The following CTNNA2 variants were observed in gnomAD, a reference collection of about 807,000 sequenced individuals.
CTNNA2 encodes catenin alpha-2.
Under a neutral mutation model 101.0 loss-of-function variants are expected in CTNNA2, and 42 were observed. The ratio of observed to expected loss-of-function variants is 0.42; its 90% CI spans 0.32 to 0.54. CTNNA2 has a LOEUF of 0.54. Among genes scored for constraint, CTNNA2 ranks in the 20% least tolerant of loss-of-function variants. The pLI is 0.14. For missense variants in CTNNA2, 871 were observed against 1,223.1 expected, an observed-to-expected ratio of 0.71 and a Z score of 4.29; for synonymous variants, 450 against 456.4, an observed-to-expected ratio of 0.99 and a Z score of 0.18.
intron 7 of CTNNA2, among the ~76,000 whole-genome samples, chr2:80,086,253 C>T (rs781313833): frequency 2.2e-4 from 33 of 152,030 alleles, no homozygotes; most frequent in African/African-American, 6.0e-4. Flanking sequence ...GGTTTCCAAA[C>T]GTAACACACT....
intron 18 of CTNNA2, among the ~76,000 whole-genome samples, chr2:80,628,602 T>C (rs1671947080): frequency 6.6e-6 from 1 of 151,994 alleles, no homozygotes; most frequent in East Asian, 1.9e-4. Flanking sequence ...CAAAACCTAT[T>C]CTTTGTAGTT....
intron 4 of CTNNA2, among the ~76,000 whole-genome samples, chr2:79,416,944 G>A (rs1415694276): frequency 1.3e-5 from 2 of 152,018 alleles, no homozygotes; most frequent in African/African-American, 4.8e-5. Context: ...TAGCAAACAT[G>A]CTCCAATCAG....
chr2:80,399,112 C>G (rs1176593493), intron 8 of CTNNA2, among the ~76,000 whole-genome samples: 1 of 150,444 alleles, frequency 6.6e-6, no homozygotes. Flanking sequence ...GAGTTTCACC[C>G]TGTTGTCCAG....
intron 4 of CTNNA2, among the ~76,000 whole-genome samples, chr2:79,501,016 G>C (rs1332110026): frequency 6.6e-6 from 1 of 152,148 alleles, no homozygotes; most frequent in Non-Finnish European, 1.5e-5. Flanking sequence ...ACTTCTCTCA[G>C]ACTCAATACA....
intron 2 of CTNNA2, among the ~76,000 whole-genome samples, chr2:79,216,502 G>A (rs150249341): frequency 0.062 from 9,427 of 151,642 alleles, 378 homozygotes; most frequent in East Asian, 0.15. Flanking sequence ...ATAAGGGATC[G>A]GGGCACAGAG....
At chr2:79,234,646 C>T (rs1024077991) in intron 2 of CTNNA2, among the ~76,000 whole-genome samples, 2 of 152,114 alleles carry the variant, frequency 1.3e-5, no homozygotes, top group Non-Finnish European at 1.5e-5. Context: ...TTACTTACTC[C>T]TTCTCTTTCA....
At chr2:79,662,125 T>C (rs1399953034) in intron 2 of CTNNA2, among the ~76,000 whole-genome samples, 2 of 151,854 alleles carry the variant, frequency 1.3e-5, no homozygotes, top group Non-Finnish European at 2.9e-5. Flanking sequence ...TTTTCTTGTT[T>C]GTATCGCCTA....
At position 79,930,286 on chromosome 2, in the gene CTNNA2, GAGAGAAAGAGAAAGAAAGAAAGAA is replaced by G. The variant is rs1558650786; in HGVS notation, c.1056+20493_1056+20516del. Reference sequence around the variant, plus strand: ...AGAAAGAAAGAAAGAAAGAGAGAGAGAGAGAAAGAGAAAGAAAGAAAGAAAGAAAGAAAGAAAGAAAGAAAGAAA... The same window carrying G: ...AGAAAGAAAGAAAGAAAGAGAGAGAGAGAAAGAAAGAAAGAAAGAAAGAAA... On this transcript the variant is annotated intron_variant, in intron 7 of 18. Transcript: ENST00000402739. Among the ~76,000 whole-genome samples, 53 of 75,288 alleles carry G rather than the reference GAGAGAAAGAGAAAGAAAGAAAGAA, an allele frequency of 7.0e-4. 2 individuals are homozygous for G. The highest frequency in any genetic ancestry group is 2.1e-3 in the African/African-American group (50 of 23,488). The allele number at this position is 75,288 out of a possible 152,430, so 49.4% of individuals were successfully genotyped here.
intron 2 of CTNNA2, among the ~76,000 whole-genome samples, chr2:79,262,340 AAAAC>A (rs1159426435): frequency 6.6e-6 from 1 of 152,206 alleles, no homozygotes; most frequent in African/African-American, 2.4e-5. Context: ...TGACTCAAGA[AAAAC>A]AAGATCAATA....
chr2:79,303,942 T>C (rs1295631640), intron 2 of CTNNA2, among the ~76,000 whole-genome samples: 3 of 152,060 alleles, frequency 2.0e-5, no homozygotes, highest in African/African-American at 4.8e-5. Flanking sequence ...GCATTACCCA[T>C]GCAGATTTCC....
In CTNNA2 at chr2:79,938,804, C is replaced by T. The variant is rs958059339; in HGVS notation, c.1056+29007C>T. Among the ~76,000 whole-genome samples, 13 of 152,186 alleles carry T rather than the reference C, an allele frequency of 8.5e-5. No individual in the cohort carries two copies. The East Asian group carries it at 1.5e-3, about 18-fold the overall frequency. On this transcript the variant is annotated intron_variant, in intron 7 of 18. Transcript: ENST00000402739. ...CTGTTTGATTCATTGCCAAATAGTA[C>T]TCAGAATTCAGAGATCAGATAAATT...
intron 7 of CTNNA2, among the ~76,000 whole-genome samples, chr2:79,913,822 C>G (rs1316661150): frequency 6.6e-6 from 1 of 152,056 alleles, no homozygotes; most frequent in African/African-American, 2.4e-5. Context: ...CATATGATAT[C>G]TTCATTTGGT....
chr2:80,114,842 A>G (rs966478241), intron 7 of CTNNA2, among the ~76,000 whole-genome samples: 3 of 152,180 alleles, frequency 2.0e-5, no homozygotes, highest in Non-Finnish European at 4.4e-5. Flanking sequence ...TTTTTGCTCC[A>G]TGGTTTCCAT....
chr2:79,965,990 G>A (rs1054211794), intron 7 of CTNNA2, among the ~76,000 whole-genome samples: 9 of 151,794 alleles, frequency 5.9e-5, no homozygotes, highest in East Asian at 1.9e-4. Context: ...GAATACATAC[G>A]TATATTTTTT....
intron 7 of CTNNA2, among the ~76,000 whole-genome samples, chr2:79,965,827 C>CAAAAAAAAAAAAA (rs10686940): frequency 2.9e-4 from 23 of 77,990 alleles, no homozygotes; most frequent in African/African-American, 8.4e-4. Flanking sequence ...GAGACTATGT[C>CAAAAAAAAAAAAA]AAAAAAAAAA....
At chr2:80,169,939 G>A (rs1704939672) in intron 7 of CTNNA2, among the ~76,000 whole-genome samples, 1 of 152,110 alleles carries the variant, frequency 6.6e-6, no homozygotes, top group South Asian at 2.1e-4. Flanking sequence ...ATCAGAGTTA[G>A]CAATACCTAC....
At chr2:79,889,913 A>T (rs760977201) in intron 6 of CTNNA2, among the ~76,000 whole-genome samples, 4 of 152,230 alleles carry the variant, frequency 2.6e-5, no homozygotes, top group Non-Finnish European at 4.4e-5. Context: ...TGGCCAAAGC[A>T]TAAAGCAGTC....
chr2:80,260,730 A>G (rs1672546892), intron 7 of CTNNA2, among the ~76,000 whole-genome samples: 1 of 152,224 alleles, frequency 6.6e-6, no homozygotes, highest in Admixed American at 6.5e-5. Flanking sequence ...AGCAAAGAGC[A>G]GAGCCAACCC....
intron 3 of CTNNA2, among the ~76,000 whole-genome samples, chr2:79,845,216 G>C (rs1380342335): frequency 6.7e-6 from 1 of 148,338 alleles, no homozygotes; most frequent in Non-Finnish European, 1.5e-5. Context: ...TCCACTTAGG[G>C]GGCATTTCTC....
Sources: gnomAD v4.1 joint callset for allele counts (sites outside exome capture counted in the v4.1 genomes callset) on GRCh38, gnomAD v4.1.1 for gene constraint, MANE v1.5 for transcripts, NCBI Gene and HGNC (gene_info 2026-07-23, HGNC 2026-07-21) for gene names.